Variants in TAF4B observed in about 807,000 individuals in gnomAD.
TAF4B encodes transcription initiation factor TFIID subunit 4B.
TAF4B carries 38 observed loss-of-function variants against 86.4 expected under a neutral mutation model. The observed-to-expected ratio is 0.44, with a 90% CI of 0.34 to 0.58. The LOEUF (loss-of-function observed/expected upper bound fraction) is 0.58. TAF4B is among the 20% of genes least tolerant of loss of function. The probability of loss-of-function intolerance (pLI) is 0.02; values close to 1 mark genes in which losing one functional copy is unlikely to be tolerated. For synonymous variants in TAF4B, 388 were observed against 391.2 expected (o/e 0.99, Z 0.10); for missense variants, 988 against 1,027.6 (o/e 0.96, Z 0.53).
intron 1 of TAF4B, among the ~76,000 whole-genome samples, chr18:26,238,103 C>T (rs1427435830): frequency 6.6e-6 from 1 of 152,186 alleles, no homozygotes; most frequent in Non-Finnish European, 1.5e-5. Context: ...CTGACGCATT[C>T]TCGAAAACCT....
At chr18:26,327,169 TG>T in intron 12 of TAF4B, 29 bp downstream of exon 12, 1 of 1,603,638 alleles carries the variant, frequency 6.2e-7, no homozygotes, top group Non-Finnish European at 8.5e-7. Flanking sequence ...TATGAGTGAA[TG>T]TGGCCTGGCA....
intron 5 of TAF4B, among the ~76,000 whole-genome samples, chr18:26,276,534 C>A (rs962708757): frequency 6.6e-6 from 1 of 152,102 alleles, no homozygotes; most frequent in Non-Finnish European, 1.5e-5. Flanking sequence ...ACAGCAAAAA[C>A]AAGCATAGTT....
Position 26,383,904 on chromosome 18 carries a change from A to C in TAF4B, c.2422-5941A>C, listed in dbSNP as rs184527466. On this transcript the variant is annotated intron_variant, in intron 14 of 14. Transcript: ENST00000269142. Reference sequence around the variant, plus strand: ...CAGAGGGCAGTGAATTTTGAAGCTCAGTATTTTTCTGTCCTGTGTTCCCCT... The same window carrying C: ...CAGAGGGCAGTGAATTTTGAAGCTCCGTATTTTTCTGTCCTGTGTTCCCCT... 2.7e-4 allele frequency among the ~76,000 whole-genome samples: 41 copies of C among 152,308 alleles called. No homozygotes were observed. In the East Asian group the frequency reaches 7.7e-3, roughly 29 times the overall value.
intron 10 of TAF4B, among the ~76,000 whole-genome samples, chr18:26,317,756 GAT>G (rs2056926158): frequency 1.3e-5 from 2 of 152,206 alleles, no homozygotes; most frequent in Non-Finnish European, 2.9e-5. Context: ...GTGGCAGAAA[GAT>G]AACTAGCTAG....
intron 14 of TAF4B, among the ~76,000 whole-genome samples, chr18:26,360,333 A>G (rs2144737365): frequency 6.6e-6 from 1 of 152,248 alleles, no homozygotes; most frequent in East Asian, 1.9e-4. Flanking sequence ...GCAACTTTTC[A>G]TGTATAAATA....
At chr18:26,293,579 T>TA (rs1239575678) in intron 9 of TAF4B, 48 bp downstream of exon 9, 2 of 1,226,282 alleles carry the variant, frequency 1.6e-6, no homozygotes, top group Admixed American at 2.8e-5. Flanking sequence ...AATTTTTTTT[T>TA]AAAAAGGAGA....
intron 3 of TAF4B, among the ~76,000 whole-genome samples, chr18:26,268,785 T>C (rs1042912051): frequency 1.1e-4 from 17 of 152,114 alleles, no homozygotes; most frequent in African/African-American, 4.1e-4. Context: ...AGTGCAGCCA[T>C]AGTGTCTATT....
intron 14 of TAF4B, among the ~76,000 whole-genome samples, chr18:26,372,129 CT>C (rs1381682727): frequency 6.6e-6 from 1 of 152,196 alleles, no homozygotes; most frequent in Non-Finnish European, 1.5e-5. Context: ...AATGAATAAA[CT>C]CAGCGACTAA....
chr18:26,323,144 CTT>C lies in TAF4B; in HGVS notation c.2133+1945_2133+1946del, dbSNP rs1448400536. 2.0e-5 allele frequency among the ~76,000 whole-genome samples: 3 copies of C among 152,088 alleles called. No individual in the cohort carries two copies. In the East Asian group the frequency reaches 5.8e-4, roughly 29 times the overall value. ...AAATGTACTGAGGCTTGTTTTATGA[CTT>C]AACATACATTGTATCCTGGAAAATG... On this transcript the variant is annotated intron_variant, in intron 11 of 14. Transcript: ENST00000269142.
chr18:26,267,743 AT>A, intron 3 of TAF4B, 120 bp downstream of exon 3: 1 of 668,482 alleles, frequency 1.5e-6, no homozygotes, highest in Non-Finnish European at 2.6e-6. Context: ...ATTCAGTAAT[AT>A]ATGATGGCAC....
At chr18:26,365,434 C>T (rs1007715095) in intron 14 of TAF4B, among the ~76,000 whole-genome samples, 3 of 152,256 alleles carry the variant, frequency 2.0e-5, no homozygotes, top group Non-Finnish European at 2.9e-5. Context: ...CAGAAGCTTC[C>T]GGCTTGTAGC....
chr18:26,246,230 A>G (rs952474296), intron 1 of TAF4B, among the ~76,000 whole-genome samples: 1 of 152,194 alleles, frequency 6.6e-6, no homozygotes, highest in African/African-American at 2.4e-5. Context: ...TGTAGGCTGG[A>G]TGATAATACC....
At position 26,255,860 on chromosome 18, in the gene TAF4B, C is replaced by G. The variant is rs544413765; in HGVS notation, c.344-9310C>G. ...TCCCACAACATGTCTTCTGTCTTTT[C>G]TAGTATGTGAGATCTAAAAAGGAAA... On this transcript the variant is annotated intron_variant, in intron 1 of 14. Coordinates refer to ENST00000269142, the MANE Select transcript of TAF4B (RefSeq NM_005640.3). 46 of 1,324,580 alleles carry G rather than the reference C, an allele frequency of 3.5e-5. 2 individuals carry two copies. The African/African-American group carries it at 6.4e-4, about 18-fold the overall frequency. 82.1% of individuals were successfully genotyped at this position (1,324,580 alleles called of 1,614,324 possible).
chr18:26,368,016 G>T (rs1014879129), intron 14 of TAF4B, among the ~76,000 whole-genome samples: 4 of 152,018 alleles, frequency 2.6e-5, no homozygotes, highest in African/African-American at 4.8e-5. Flanking sequence ...CCGTTCCTTT[G>T]TGCTCTCTTC....
At chr18:26,343,756 C>G (rs991468074) in intron 13 of TAF4B, among the ~76,000 whole-genome samples, 38 of 152,140 alleles carry the variant, frequency 2.5e-4, no homozygotes, top group African/African-American at 8.4e-4. Flanking sequence ...TTTTCATATA[C>G]ACGAGTTCTG....
At chr18:26,326,376 T>A (rs1000356050) in intron 11 of TAF4B, among the ~76,000 whole-genome samples, 1 of 152,228 alleles carries the variant, frequency 6.6e-6, no homozygotes, top group African/African-American at 2.4e-5. Flanking sequence ...TTATAAATTG[T>A]ATACTAAATT....
intron 13 of TAF4B, among the ~76,000 whole-genome samples, chr18:26,353,093 T>A (rs370002458): frequency 4.6e-5 from 7 of 152,186 alleles, no homozygotes; most frequent in African/African-American, 1.4e-4. Flanking sequence ...GTTGCCCTAA[T>A]AGTTAAACCC....
rs150605353 is a variant in TAF4B, at chr18:26,333,189, T to C, written c.2260-1986T>C. Among the ~76,000 whole-genome samples, 358 of 151,104 alleles carry C rather than the reference T, an allele frequency of 2.4e-3. 5 individuals carry two copies. Among genetic ancestry groups the C allele is most frequent in the Admixed American group, 0.021 (312 of 15,194 alleles). ...TTATTTTTGTTTTTAATTTAATTTT[T>C]AAATTATATATATTTTATTTTTAAA... On this transcript the variant is annotated intron_variant, in intron 12 of 14. Coordinates refer to ENST00000269142, the MANE Select transcript of TAF4B (RefSeq NM_005640.3).
intron 14 of TAF4B, among the ~76,000 whole-genome samples, chr18:26,361,296 T>TA (rs2057327737): frequency 2.2e-5 from 1 of 44,802 alleles, no homozygotes; most frequent in East Asian, 1.8e-3. Context: ...TTTAATTTTT[T>TA]TTTTTTTTTT....
Sources: allele counts gnomAD v4.1 joint callset (sites outside exome capture counted in the v4.1 genomes callset), GRCh38; gene constraint gnomAD v4.1.1; transcripts MANE v1.5; gene names NCBI Gene and HGNC (gene_info 2026-07-23, HGNC 2026-07-21).